Variants in GPM6A observed in about 807,000 individuals in gnomAD.
The protein encoded by GPM6A is neuronal membrane glycoprotein M6-a.
A neutral mutation model predicts 32.1 loss-of-function variants in GPM6A; 7 were observed. That is an observed-to-expected ratio of 0.22 (90% CI 0.12 to 0.41). GPM6A has a LOEUF of 0.41. Among genes scored for constraint, GPM6A ranks in the 10% least tolerant of loss-of-function variants. The pLI is 1.00. For synonymous variants in GPM6A, 130 were observed against 123.4 expected (o/e 1.05, Z -0.35); for missense variants, 235 against 347.2 (o/e 0.68, Z 2.57).
rs1428931835 is a variant in GPM6A, at chr4:175,860,597, A to G, written c.-22-48348T>C. Among the ~76,000 whole-genome samples, 3 of 152,332 alleles carry G rather than the reference A, an allele frequency of 2.0e-5. No individual in the cohort carries two copies. In the East Asian group the frequency reaches 5.8e-4, roughly 29 times the overall value. The stretch of plus-strand genomic sequence containing the variant: ...AAGATGAGAGGGAAGCGTAGCACAG[A>G]ATGAAAATATCTCTAGAAGCCAAAT... On this transcript the variant is annotated intron_variant, in intron 1 of 7. Coordinates refer to the GPM6A transcript ENST00000280187.
At chr4:175,780,231 A>C (rs190992720) in intron 1 of GPM6A, among the ~76,000 whole-genome samples, 1 of 152,064 alleles carries the variant, frequency 6.6e-6, no homozygotes, top group African/African-American at 2.4e-5. Flanking sequence ...TATTTTTAGT[A>C]CAGATGGGGT....
At chr4:175,777,934 T>A (rs1733459198) in intron 1 of GPM6A, among the ~76,000 whole-genome samples, 2 of 152,214 alleles carry the variant, frequency 1.3e-5, no homozygotes, top group Admixed American at 1.3e-4. Context: ...AGTTTGACAT[T>A]TAAAGTAATG....
At chr4:175,916,095 A>G (rs1220663846) in intron 1 of GPM6A, among the ~76,000 whole-genome samples, 2 of 152,310 alleles carry the variant, frequency 1.3e-5, no homozygotes, top group African/African-American at 2.4e-5. Context: ...TAGTCTCACC[A>G]TATAAAGTAG....
intron 1 of GPM6A, among the ~76,000 whole-genome samples, chr4:175,725,172 A>G (rs77010150): frequency 0.015 from 2,360 of 152,326 alleles, 59 homozygotes; most frequent in African/African-American, 0.053. Flanking sequence ...GTGATAAAAT[A>G]CATGTATAGT....
At chr4:175,807,007 T>G (rs1734722861) in intron 1 of GPM6A, 1 of 152,244 alleles carries the variant, frequency 6.6e-6, no homozygotes, top group Non-Finnish European at 1.5e-5. Context: ...AGCAAATTAT[T>G]AATTCTTACA....
intron 1 of GPM6A, among the ~76,000 whole-genome samples, chr4:175,926,646 A>C (rs1307700426): frequency 6.6e-6 from 1 of 152,174 alleles, no homozygotes; most frequent in Admixed American, 6.5e-5. Context: ...GTATTTGTAA[A>C]ATATTTTAGC....
intron 1 of GPM6A, among the ~76,000 whole-genome samples, chr4:175,871,250 C>T (rs1736897850): frequency 6.6e-6 from 1 of 152,062 alleles, no homozygotes; most frequent in African/African-American, 2.4e-5. Context: ...AGACGCATCA[C>T]CTGAGGTCAG....
At chr4:175,907,632 G>T (rs1049524897) in intron 1 of GPM6A, among the ~76,000 whole-genome samples, 6 of 152,070 alleles carry the variant, frequency 3.9e-5, no homozygotes, top group African/African-American at 1.4e-4. Context: ...CCTGAAACAG[G>T]TCATAAAACC....
chr4:175,846,654 G>T (rs1043877284), intron 1 of GPM6A, among the ~76,000 whole-genome samples: 9 of 152,190 alleles, frequency 5.9e-5, no homozygotes, highest in East Asian at 5.8e-4. Context: ...AGCAATTAAA[G>T]AAATGTCTAT....
intron 1 of GPM6A, among the ~76,000 whole-genome samples, chr4:175,838,790 AC>A (rs1276847392): frequency 6.6e-6 from 1 of 151,100 alleles, no homozygotes; most frequent in Non-Finnish European, 1.5e-5. Flanking sequence ...AGTACCTGGG[AC>A]TGCAGGCCCA....
intron 1 of GPM6A, among the ~76,000 whole-genome samples, chr4:175,839,776 G>C (rs1735880548): frequency 6.6e-6 from 1 of 151,974 alleles, no homozygotes; most frequent in Non-Finnish European, 1.5e-5. Flanking sequence ...CATTTAGCTT[G>C]TTCATATATT....
chr4:175,715,853 G>A (rs529640516), intron 1 of GPM6A, among the ~76,000 whole-genome samples: 1 of 152,168 alleles, frequency 6.6e-6, no homozygotes, highest in East Asian at 1.9e-4. Context: ...ATAACCTGAG[G>A]TCAGGAGTTT....
intron 1 of GPM6A, among the ~76,000 whole-genome samples, chr4:175,964,723 G>T (rs960856221): frequency 6.6e-6 from 1 of 152,110 alleles, no homozygotes; most frequent in African/African-American, 2.4e-5. Context: ...TGAATTTGGG[G>T]CACACAATTC....
chr4:175,768,165 C>A (rs558592564), intron 1 of GPM6A, among the ~76,000 whole-genome samples: 1 of 152,268 alleles, frequency 6.6e-6, no homozygotes, highest in South Asian at 2.1e-4. Flanking sequence ...TTAATTACAA[C>A]ATGATGATGC....
At chr4:175,639,257 C>A (rs900738689) in intron 6 of GPM6A, among the ~76,000 whole-genome samples, 3 of 152,092 alleles carry the variant, frequency 2.0e-5, no homozygotes, top group African/African-American at 7.2e-5. Context: ...TCTCATCATT[C>A]TTATTTTTAG....
chr4:175,785,513 A>G (rs922353034), intron 1 of GPM6A, among the ~76,000 whole-genome samples: 10 of 152,242 alleles, frequency 6.6e-5, no homozygotes, highest in African/African-American at 2.4e-4. Flanking sequence ...TTATATTAAC[A>G]TTAACTATTG....
intron 1 of GPM6A, among the ~76,000 whole-genome samples, chr4:175,822,403 G>A (rs1270832546): frequency 2.6e-5 from 4 of 151,844 alleles, no homozygotes; most frequent in African/African-American, 4.8e-5. Context: ...AAAATTTTTG[G>A]TATATCCAAA....
chr4:175,812,381 G>A (rs11934159), upstream of GPM6A: 1 of 1,341,138 alleles, frequency 7.5e-7, no homozygotes, highest in Non-Finnish European at 9.4e-7. Flanking sequence ...CAAGTCCTCA[G>A]AGCTTAGCTC....
intron 1 of GPM6A, among the ~76,000 whole-genome samples, chr4:175,820,504 T>C (rs1276004724): frequency 7.0e-6 from 1 of 141,948 alleles, no homozygotes; most frequent in South Asian, 2.3e-4. Flanking sequence ...TTCTTTCTTT[T>C]TTTTTTTTTT....
Sources: gnomAD v4.1 joint callset for allele counts (sites outside exome capture counted in the v4.1 genomes callset) on GRCh38, gnomAD v4.1.1 for gene constraint, MANE v1.5 for transcripts, NCBI Gene and HGNC (gene_info 2026-07-23, HGNC 2026-07-21) for gene names.